Variants in MEP1B observed in about 807,000 individuals in gnomAD.
MEP1B encodes the protein N-benzoyl-L-tyrosyl-P-amino-benzoic acid hydrolase subunit beta.
In MEP1B, 80 loss-of-function variants were observed where a neutral mutation model predicts 84.6. The ratio of observed to expected loss-of-function variants is 0.95; its 90% CI spans 0.79 to 1.14. The LOEUF (loss-of-function observed/expected upper bound fraction) is 1.14. Ranked by LOEUF, MEP1B falls within the 50% of genes most tolerant of loss-of-function variation. The pLI, the probability that MEP1B is intolerant of heterozygous loss-of-function variation, is 0.00. For synonymous variants in MEP1B, 273 were observed against 288.1 expected (o/e 0.95, Z 0.53); for missense variants, 766 against 855.1 (o/e 0.90, Z 1.30).
Position 32,196,860 on chromosome 18 carries a change from A to G in MEP1B, c.250+1375A>G. ...TCTCAGGGCCTCTGCGTACTTGCCCATGATGTAGTGGAGGCGGGCAAGGAG... is the reference window on the plus strand; with the variant it reads ...TCTCAGGGCCTCTGCGTACTTGCCCGTGATGTAGTGGAGGCGGGCAAGGAG... On this transcript the variant is annotated intron_variant, in intron 5 of 14. Coordinates refer to ENST00000269202, the MANE Select transcript of MEP1B (RefSeq NM_005925.3). This position sits in a 1 kb window ranked among gnomAD's most constrained non-coding sequence, Gnocchi z 4.4. The G allele has an allele frequency of 5.7e-6, 3 of 525,362 alleles. No homozygotes were observed. The highest frequency in any genetic ancestry group is 3.5e-6 in the Non-Finnish European group (1 of 282,540). The allele number at this position is 525,362 out of a possible 1,614,324, so 32.5% of individuals were successfully genotyped here.
chr18:32,205,023 T>TG (rs1011676832), intron 7 of MEP1B, among the ~76,000 whole-genome samples: 1 of 152,136 alleles, frequency 6.6e-6, no homozygotes, highest in African/African-American at 2.4e-5. Flanking sequence ...TACATGCTTT[T>TG]GGGGGGACAT....
intron 7 of MEP1B, among the ~76,000 whole-genome samples, chr18:32,204,569 T>C (rs891519422): frequency 4.6e-5 from 7 of 152,166 alleles, no homozygotes; most frequent in Non-Finnish European, 1.0e-4. Flanking sequence ...ACTGGTTTTG[T>C]GGTTCTTAAA....
chr18:32,194,068 T>C (rs1424073311), intron 4 of MEP1B, among the ~76,000 whole-genome samples: 3 of 152,096 alleles, frequency 2.0e-5, no homozygotes, highest in Admixed American at 6.6e-5. Context: ...CATAAAGTCA[T>C]CCTCACAACC....
At chr18:32,204,008 G>A (rs1287374486) in intron 6 of MEP1B, among the ~76,000 whole-genome samples, 174 bp from the exon 7 acceptor site, 1 of 152,106 alleles carries the variant, frequency 6.6e-6, no homozygotes, top group Admixed American at 6.5e-5. Context: ...TGTGAGTGGG[G>A]ACAATTGTCC....
chr18:32,213,154 T>C lies in MEP1B; in HGVS notation c.1174T>C (p.Leu392=), dbSNP rs370173924. The change falls in exon 11 of 15, where the codon TTG becomes CTG. Residue 392 remains leucine, a synonymous_variant. Coordinates refer to ENST00000269202, the MANE Select transcript of MEP1B (RefSeq NM_005925.3). ...TGSWQLYHVT[L]KVTKKFRVVF... Reference sequence around the variant, plus strand: ...GAGCTGGCAACTTTATCATGTAACATTGAAAGTGACCAAGAAGTTTAGAGT... The same window carrying C: ...GAGCTGGCAACTTTATCATGTAACACTGAAAGTGACCAAGAAGTTTAGAGT... 14 of 1,613,986 alleles carry C rather than the reference T, an allele frequency of 8.7e-6. No homozygotes were observed. The highest frequency in any genetic ancestry group is 4.0e-5 in the African/African-American group (3 of 75,058).
Position 32,215,262 on chromosome 18 carries a change from G to C in MEP1B, c.1759+1G>C. ...GTTTATATCCTACTGACAGTGGAAG[G>C]TATGTCAATAAAAATAGTTTTATAT... On this transcript the variant is annotated splice_donor_variant, in intron 12 of 14. Transcript: ENST00000269202. LOFTEE classifies it high-confidence loss of function. The C allele has an allele frequency of 6.5e-7, 1 of 1,546,400 alleles. No homozygotes were observed. The highest frequency in any genetic ancestry group is 2.3e-5 in the East Asian group (1 of 44,070).
At position 32,217,031 on chromosome 18, in the gene MEP1B, A is replaced by G. The variant is rs773622713; in HGVS notation, c.1800A>G (p.Pro600=). 6.2e-7 allele frequency: 1 copy of G among 1,614,010 alleles called. No individual in the cohort carries two copies. The highest frequency in any genetic ancestry group is 8.5e-7 in the Non-Finnish European group (1 of 1,179,866). The change falls in exon 13 of 15, where the codon CCA becomes CCG. Residue 600 remains proline, a synonymous_variant. Coordinates refer to ENST00000269202, the MANE Select transcript of MEP1B (RefSeq NM_005925.3). ...ACTCTACACAAATCCAGCTAACACCAGCCCCTAGTGTTCAAGACCTCTGCT... is the reference window on the plus strand; with the variant it reads ...ACTCTACACAAATCCAGCTAACACCGGCCCCTAGTGTTCAAGACCTCTGCT... The part of the protein sequence containing the change: ...HLNSTQIQLT[P]APSVQDLCSK...
At chr18:32,202,773 C>T in intron 5 of MEP1B, 120 bp from the exon 6 acceptor site, 1 of 624,342 alleles carries the variant, frequency 1.6e-6, no homozygotes, top group Non-Finnish European at 2.8e-6. Context: ...ATAAAAGACT[C>T]AACATTCATG....
Position 32,213,258 on chromosome 18 carries a change from G to A in MEP1B, c.1278G>A (p.Arg426=). ...ATGACATCAATCTTTCGGAAACACG[G>A]TGCCCTCATCATATCTGGCATATAA... is the stretch of plus-strand genomic sequence containing the variant. ...SIDDINLSET[R]CPHHIWHIRN... The change falls in exon 11 of 15, where the codon CGG becomes CGA. Residue 426 remains arginine (R), a synonymous_variant. Transcript: ENST00000269202. 6.2e-7 allele frequency: 1 copy of A among 1,613,972 alleles called. No individual in the cohort carries two copies. The highest frequency in any genetic ancestry group is 1.1e-5 in the South Asian group (1 of 91,078).
intron 5 of MEP1B, 34 bp downstream of exon 5, chr18:32,195,519 G>C: frequency 7.5e-7 from 1 of 1,326,738 alleles, no homozygotes; most frequent in Non-Finnish European, 1.1e-6. Context: ...CATAACTAAT[G>C]TCTATTTCTG....
intron 5 of MEP1B, among the ~76,000 whole-genome samples, chr18:32,197,405 G>GTTTTT (rs34303503): frequency 3.5e-5 from 5 of 142,162 alleles, no homozygotes; most frequent in Non-Finnish European, 3.0e-5. Flanking sequence ...TTTCATTTTT[G>GTTTTT]TTTTTTTTTT....
At chr18:32,203,453 T>C (rs1052824572) in intron 6 of MEP1B, among the ~76,000 whole-genome samples, 10 of 152,200 alleles carry the variant, frequency 6.6e-5, no homozygotes, top group Admixed American at 6.5e-4. Context: ...AAAACCCTTG[T>C]TAATGGGCAC....
intron 7 of MEP1B, among the ~76,000 whole-genome samples, chr18:32,206,728 C>T (rs1332482435): frequency 6.6e-6 from 1 of 152,184 alleles, no homozygotes; most frequent in Non-Finnish European, 1.5e-5. Flanking sequence ...TCTCCTGCCT[C>T]TGCCTCCTGA....
At chr18:32,209,084 G>A (rs1178507230) in intron 9 of MEP1B, among the ~76,000 whole-genome samples, 2 of 152,166 alleles carry the variant, frequency 1.3e-5, no homozygotes, top group Admixed American at 1.3e-4. Context: ...TAAGGGAAAG[G>A]TTCCCTAATG....
At chr18:32,193,376 A>G (rs1040705382) in intron 4 of MEP1B, among the ~76,000 whole-genome samples, 1 of 152,218 alleles carries the variant, frequency 6.6e-6, no homozygotes, top group East Asian at 1.9e-4. Flanking sequence ...GTTCACTATC[A>G]TGAAAGCACT....
At chr18:32,211,738 G>A (rs1053226345) in intron 10 of MEP1B, among the ~76,000 whole-genome samples, 1 of 152,106 alleles carries the variant, frequency 6.6e-6, no homozygotes, top group African/African-American at 2.4e-5. Flanking sequence ...TGGTTAAGGG[G>A]GTGACTGAGA....
In MEP1B at chr18:32,196,664, CT is replaced by C; in HGVS notation, c.250+1181del. On this transcript the variant is annotated intron_variant, in intron 5 of 14. Transcript: ENST00000269202. The surrounding 1 kb of genome is among the most constrained non-coding windows in gnomAD (Gnocchi z 4.4). ...TGTCCAGCACGCCACCTCGGGGTGTCTTCCCCAAGCACCAGCGCATGAGGTA... is the reference window on the plus strand; with the variant it reads ...TGTCCAGCACGCCACCTCGGGGTGTCTCCCCAAGCACCAGCGCATGAGGTA... 1.5e-6 allele frequency: 1 copy of C among 670,608 alleles called. No individual in the cohort carries two copies. The highest frequency in any genetic ancestry group is 1.6e-5 in the South Asian group (1 of 61,350). The allele number at this position is 670,608 out of a possible 1,614,324, so 41.5% of individuals were successfully genotyped here.
chr18:32,198,653 G>A (rs2040879537), intron 5 of MEP1B, among the ~76,000 whole-genome samples: 1 of 152,176 alleles, frequency 6.6e-6, no homozygotes, highest in African/African-American at 2.4e-5. Context: ...CTAGGAAGTT[G>A]AGCAGGTAGG....
At chr18:32,191,116 C>T (rs1000350211) in intron 1 of MEP1B, among the ~76,000 whole-genome samples, 1 of 151,902 alleles carries the variant, frequency 6.6e-6, no homozygotes, top group Non-Finnish European at 1.5e-5. Context: ...ACTGAATTAC[C>T]CTTAGTTAGT....
Sources: gnomAD v4.1 joint callset for allele counts (sites outside exome capture counted in the v4.1 genomes callset) on GRCh38, gnomAD v4.1.1 for gene constraint, Gnocchi (gnomAD v3.1) non-coding constraint, MANE v1.5 for transcripts, NCBI Gene and HGNC (gene_info 2026-07-23, HGNC 2026-07-21) for gene names.